Variants in TTC22 observed in about 807,000 individuals in gnomAD.
TTC22 encodes the protein tetratricopeptide repeat domain 22, also known as tetratricopeptide repeat protein 22.
TTC22 carries 42 observed loss-of-function variants against 48.2 expected under a neutral mutation model. That is an observed-to-expected ratio of 0.87 (90% CI 0.68 to 1.13). The LOEUF (loss-of-function observed/expected upper bound fraction) is 1.13, where lower values mean the gene tolerates loss of function less well. TTC22 is among the 50% of genes most tolerant of loss of function. The pLI is 0.00. For synonymous variants in TTC22, 345 were observed against 365.5 expected, an observed-to-expected ratio of 0.94 and a Z score of 0.64; for missense variants, 784 against 807.0, an observed-to-expected ratio of 0.97 and a Z score of 0.34.
chr1:54,792,868 C>T (rs531943988), intron 1 of TTC22: 1 of 152,320 alleles, frequency 6.6e-6, no homozygotes, highest in African/African-American at 2.4e-5. Flanking sequence ...ACTGCCCCCT[C>T]CCCTCCTGGA....
chr1:54,781,525 G>C lies in TTC22; in HGVS notation c.1428C>G (p.Leu476=), dbSNP rs1016920903. The change falls in exon 7 of 7, where the codon CTC becomes CTG. Residue 476 remains leucine (L), a synonymous_variant. Coordinates refer to ENST00000371276, the MANE Select transcript of TTC22 (RefSeq NM_001114108.2). ...GGCTCCACTGCGCCAGCAGCGCCTC[G>C]AGCAGGCAGCCGAAGCCGTCGGTGT... ...SSHTDGFGCL[L]EALLAQWSQA... is the part of the protein sequence containing the mutation. The C allele has an allele frequency of 1.9e-5, 28 of 1,513,100 alleles. No homozygotes were observed. Among genetic ancestry groups the C allele is most frequent in the Non-Finnish European group, 2.3e-5 (26 of 1,138,244 alleles). The allele number at this position is 1,513,100 out of a possible 1,614,324, so 93.7% of individuals were successfully genotyped here. A position where few individuals can be genotyped will look rare whatever the true frequency, so the allele number is the denominator to read the frequency against.
chr1:54,789,478 A>C (rs1570112771), intron 1 of TTC22, among the ~76,000 whole-genome samples: 1 of 152,166 alleles, frequency 6.6e-6, no homozygotes, highest in African/African-American at 2.4e-5. Flanking sequence ...TGCTCCGGGG[A>C]AACCTTGGAT....
At chr1:54,787,572 C>G in intron 3 of TTC22, 139 bp downstream of exon 3, 1 of 681,990 alleles carries the variant, frequency 1.5e-6, no homozygotes, top group Middle Eastern at 3.9e-4. Context: ...TTGAGGTGCA[C>G]AGATGAGTGT....
In TTC22 at chr1:54,781,666, G is replaced by A; in HGVS notation, c.1287C>T (p.Ala429=). ...LAKAGESELG[A]TLPELQLLRG... The stretch of plus-strand genomic sequence containing the variant: ...GCAGCAGCTGCAGCTCGGGCAGCGT[G>A]GCACCCAGCTCCGACTCGCCCGCCT... Residue 429 remains alanine (A), a synonymous_variant, in exon 7 of 7, where the codon GCC becomes GCT. Coordinates refer to ENST00000371276, the MANE Select transcript of TTC22 (RefSeq NM_001114108.2). 6.5e-7 allele frequency: 1 copy of A among 1,531,088 alleles called. No homozygotes were observed. Among genetic ancestry groups the A allele is most frequent in the African/African-American group, 1.4e-5 (1 of 72,408 alleles). The allele number at this position is 1,531,088 out of a possible 1,614,324, so 94.8% of individuals were successfully genotyped here.
At chr1:54,800,457 C>A (rs932903856) in intron 1 of TTC22, 140 bp downstream of exon 1, 125 of 746,180 alleles carry the variant, frequency 1.7e-4, no homozygotes, top group Non-Finnish European at 2.3e-4. Context: ...GCGGGGGATG[C>A]ACATTGGAAA....
chr1:54,798,605 T>G (rs1646410122), intron 1 of TTC22, among the ~76,000 whole-genome samples: 1 of 152,242 alleles, frequency 6.6e-6, no homozygotes, highest in Non-Finnish European at 1.5e-5. Context: ...TTTGGACCAT[T>G]CCCAGAAGAG....
chr1:54,786,862 G>C (rs1646305483), intron 4 of TTC22, 95 bp downstream of exon 4: 1 of 562,928 alleles, frequency 1.8e-6, no homozygotes, highest in African/African-American at 1.9e-5. Context: ...ACGCGGTGGG[G>C]GTTGATACCC....
chr1:54,785,844 G>C, intron 5 of TTC22, 139 bp downstream of exon 5: 2 of 762,142 alleles, frequency 2.6e-6, no homozygotes, highest in East Asian at 5.5e-5. Context: ...GAACCCAACT[G>C]TGTTTTTTGA....
At chr1:54,788,274 C>T (rs1169134308) in intron 1 of TTC22, among the ~76,000 whole-genome samples, 177 bp from the exon 2 acceptor site, 1 of 152,170 alleles carries the variant, frequency 6.6e-6, no homozygotes, top group African/African-American at 2.4e-5. Flanking sequence ...TGGCCTTGGG[C>T]AAGTCACTTC....
intron 1 of TTC22, chr1:54,794,794 G>A (rs1007550692): frequency 6.6e-6 from 1 of 152,418 alleles, no homozygotes; most frequent in African/African-American, 2.4e-5. Context: ...GCCCAGGGCA[G>A]AAGTGCCAGG....
At chr1:54,791,020 C>T (rs897842785) in intron 1 of TTC22, among the ~76,000 whole-genome samples, 7 of 152,084 alleles carry the variant, frequency 4.6e-5, no homozygotes, top group African/African-American at 1.2e-4. Flanking sequence ...CCACCACACC[C>T]GACTAGTTTT....
intron 1 of TTC22, 41 bp downstream of exon 1, chr1:54,800,556 C>A (rs777923457): frequency 3.5e-5 from 48 of 1,388,046 alleles, no homozygotes; most frequent in South Asian, 4.4e-5. Flanking sequence ...GGGAGGACCA[C>A]AGTCCTCCCA....
Position 54,781,545 on chromosome 1 carries a change from C to A in TTC22, c.1408G>T (p.Asp470Tyr). The change falls in exon 7 of 7, where the codon GAC (aspartate) becomes TAC (tyrosine). Residue 470 changes from aspartate to tyrosine, a missense_variant. Asp to Tyr is a radical substitution (Grantham distance 160). Transcript: ENST00000371276. ...ELDDAGSSHT[D>Y]GFGCLLEALL... is the part of the protein sequence containing the mutation. ...GCCTCGAGCAGGCAGCCGAAGCCGT[C>A]GGTGTGGCTGGAGCCCGCGTCGTCC... 6.6e-7 allele frequency: 1 copy of A among 1,517,214 alleles called. No individual in the cohort carries two copies. The highest frequency in any genetic ancestry group is 8.8e-7 in the Non-Finnish European group (1 of 1,139,782). 94.0% of individuals were successfully genotyped at this position (1,517,214 alleles called of 1,614,324 possible). A position where few individuals can be genotyped will look rare whatever the true frequency, so the allele number is the denominator to read the frequency against.
In TTC22 at chr1:54,780,604, G is replaced by C. The variant is rs1012486034; in HGVS notation, c.*639C>G. 6.6e-6 allele frequency: 1 copy of C among 152,108 alleles called. No homozygotes were observed. The highest frequency in any genetic ancestry group is 1.9e-4 in the East Asian group (1 of 5,182). 9.4% of individuals were successfully genotyped at this position (152,108 alleles called of 1,614,324 possible). A position where few individuals can be genotyped will look rare whatever the true frequency, so the allele number is the denominator to read the frequency against. ...GGTTCTATTGATGAGCTCTATTTCA[G>C]AGCATTTGGGAGGCCTTTTGGGCCA... On this transcript the variant is annotated 3_prime_UTR_variant, in exon 7 of 7. Coordinates refer to ENST00000371276, the MANE Select transcript of TTC22 (RefSeq NM_001114108.2).
chr1:54,781,805 C>T, intron 6 of TTC22, 26 bp from the exon 7 acceptor site: 1 of 1,395,524 alleles, frequency 7.2e-7, no homozygotes, highest in Non-Finnish European at 9.3e-7. Flanking sequence ...CGGGGTGAGC[C>T]CTTCACCGCA....
rs1646432351 is a variant in TTC22 at position 54,800,974 on chromosome 1, G to A, written c.190C>T (p.Gln64Ter). ...AGGAGGTGACGCACAGCGGGGCGCT[G>A]CGGGGCGGCCGCCAGCTGGAGCTCC... ...RQELQLAAAP[Q>*]RPAVRHLLGA... Residue 64 changes from glutamine to a stop codon, truncating the protein, a stop_gained, in exon 1 of 7, where the codon CAG becomes TAG. Transcript: ENST00000371276. LOFTEE classifies it high-confidence loss of function. 1 of 1,603,718 alleles carries A rather than the reference G, an allele frequency of 6.2e-7. No individual in the cohort carries two copies.
At chr1:54,792,760 G>A (rs902506593) in intron 1 of TTC22, 1 of 152,164 alleles carries the variant, frequency 6.6e-6, no homozygotes, top group African/African-American at 2.4e-5. Flanking sequence ...AAGTCCTTCT[G>A]GTTGTAACTG....
intron 1 of TTC22, among the ~76,000 whole-genome samples, chr1:54,800,132 T>C (rs1227082108): frequency 6.6e-6 from 1 of 152,012 alleles, no homozygotes; most frequent in East Asian, 1.9e-4. Context: ...TGATCATTCA[T>C]GGAAAAGGCA....
At position 54,781,751 on chromosome 1, in the gene TTC22, A is replaced by G. The variant is rs112370892; in HGVS notation, c.1202T>C (p.Val401Ala). The change falls in exon 7 of 7, where the codon GTG becomes GCG. Residue 401 changes from valine (V) to alanine (A), a missense_variant. Physicochemically the swap from Val to Ala is moderately conservative, Grantham distance 64. Transcript: ENST00000371276. ...QVYYYMGVDA[V>A]QELLAVDEAA... ...CTCGTCCACCGCCAGCAGCTCCTGC[A>G]CCGCGTCCACGCCCATATAGTAGTA... 167 of 1,499,600 alleles carry G rather than the reference A, an allele frequency of 1.1e-4. 3 individuals carry two copies. The African/African-American group carries it at 1.8e-3, about 17-fold the overall frequency. The allele number at this position is 1,499,600 out of a possible 1,614,324, so 92.9% of individuals were successfully genotyped here.
Sources: gnomAD v4.1 joint callset for allele counts (sites outside exome capture counted in the v4.1 genomes callset) on GRCh38, gnomAD v4.1.1 for gene constraint, MANE v1.5 for transcripts, NCBI Gene and HGNC (gene_info 2026-07-23, HGNC 2026-07-21) for gene names.